The following GPR107 variants were observed in gnomAD, a reference collection of about 807,000 sequenced individuals.
GPR107 encodes the protein protein GPR107.
Under a neutral mutation model 75.5 loss-of-function variants are expected in GPR107, and 31 were observed. That is an observed-to-expected ratio of 0.41 (90% confidence interval 0.31 to 0.55). The LOEUF is 0.55. Among genes scored for constraint, GPR107 ranks in the 20% least tolerant of loss-of-function variants. GPR107 has a pLI of 0.26. For synonymous variants in GPR107, 267 were observed against 251.3 expected, an observed-to-expected ratio of 1.06 and a Z score of -0.59; for missense variants, 572 against 665.7, an observed-to-expected ratio of 0.86 and a Z score of 1.55.
intron 14 of GPR107, among the ~76,000 whole-genome samples, chr9:130,123,079 C>T (rs1367838915): frequency 6.6e-6 from 1 of 152,170 alleles, no homozygotes; most frequent in African/African-American, 2.4e-5. Context: ...TGGGTTCCTT[C>T]TGTCACCCAG....
intron 12 of GPR107, among the ~76,000 whole-genome samples, chr9:130,102,174 G>GA (rs1791745906): frequency 2.6e-4 from 1 of 3,802 alleles, no homozygotes; most frequent in Non-Finnish European, 5.5e-4. Flanking sequence ...GAATGTGACA[G>GA]AGGCAGTAAA....
intron 9 of GPR107, among the ~76,000 whole-genome samples, chr9:130,097,155 C>CTTTTTTTTTTTTTTT (rs71387312): frequency 6.1e-5 from 8 of 130,176 alleles, no homozygotes; most frequent in South Asian, 2.4e-4. Flanking sequence ...TCTTTTTTTT[C>CTTTTTTTTTTTTTTT]TTTTTTTTTT....
At chr9:130,073,586 T>C (rs1376092214) in intron 1 of GPR107, among the ~76,000 whole-genome samples, 1 of 152,148 alleles carries the variant, frequency 6.6e-6, no homozygotes, top group Non-Finnish European at 1.5e-5. Flanking sequence ...GCAAACATGT[T>C]TTCACCACAT....
In GPR107 at chr9:130,103,498, T is replaced by G. The variant is rs1831086583; in HGVS notation, c.1132-922T>G. Among the ~76,000 whole-genome samples, 1 of 152,102 alleles carries G rather than the reference T, an allele frequency of 6.6e-6. No individual in the cohort carries two copies. The highest frequency in any genetic ancestry group is 1.5e-5 in the Non-Finnish European group (1 of 68,030). ...CCCTTATGCTCTGTGGCATCTCAGT[T>G]TAGCCAGTGGAAAGACTTTTTATAA... On this transcript the variant is annotated intron_variant, in intron 12 of 17. Coordinates refer to ENST00000347136, the MANE Select transcript of GPR107 (RefSeq NM_020960.5). This position sits in a 1 kb window ranked among gnomAD's most constrained non-coding sequence, Gnocchi z 4.3.
intron 7 of GPR107, among the ~76,000 whole-genome samples, 162 bp downstream of exon 7, chr9:130,086,638 G>T (rs774772902): frequency 6.6e-6 from 1 of 152,060 alleles, no homozygotes; most frequent in East Asian, 1.9e-4. Flanking sequence ...CCACAAGGTG[G>T]ATATTGTTAC....
chr9:130,117,955 C>T (rs571903948), intron 14 of GPR107, among the ~76,000 whole-genome samples: 2 of 152,306 alleles, frequency 1.3e-5, no homozygotes, highest in South Asian at 2.1e-4. Context: ...ATGATTGCAT[C>T]GTCCTGAACT....
chr9:130,078,195 G>T (rs1386510645), intron 4 of GPR107, among the ~76,000 whole-genome samples: 1 of 151,850 alleles, frequency 6.6e-6, no homozygotes, highest in East Asian at 1.9e-4. Flanking sequence ...GAACTTTGAT[G>T]AATTATCAGA....
At chr9:130,062,420 GATA>G (rs10578697) in intron 1 of GPR107, among the ~76,000 whole-genome samples, 16,156 of 139,744 alleles carry the variant, frequency 0.12, 960 homozygotes, top group Admixed American at 0.17. Context: ...TCTCGAAAAT[GATA>G]ATAATAATAA....
At chr9:130,080,692 G>A (rs1400439852) in intron 5 of GPR107, among the ~76,000 whole-genome samples, 2 of 150,838 alleles carry the variant, frequency 1.3e-5, no homozygotes, top group East Asian at 2.0e-4. Flanking sequence ...AGGGTTTCAC[G>A]GTGTTAGCTA....
chr9:130,131,409 A>T (rs1831824833), intron 17 of GPR107, among the ~76,000 whole-genome samples: 1 of 151,590 alleles, frequency 6.6e-6, no homozygotes, highest in Admixed American at 6.6e-5. Context: ...CCTTGAGTTC[A>T]CTTCTGCCAC....
intron 1 of GPR107, among the ~76,000 whole-genome samples, chr9:130,055,368 C>T (rs1205120375): frequency 2.0e-5 from 3 of 151,776 alleles, no homozygotes; most frequent in African/African-American, 2.4e-5. Flanking sequence ...ACTCGGGAGG[C>T]TAAGGCAGGA....
chr9:130,063,717 T>G (rs1429711752), intron 1 of GPR107, among the ~76,000 whole-genome samples: 1 of 152,034 alleles, frequency 6.6e-6, no homozygotes, highest in African/African-American at 2.4e-5. Context: ...CCCTGGGAAA[T>G]TCCAGTGATT....
At chr9:130,114,348 C>T (rs911579870) in intron 14 of GPR107, among the ~76,000 whole-genome samples, 10 of 151,876 alleles carry the variant, frequency 6.6e-5, no homozygotes, top group East Asian at 1.9e-4. Context: ...CAGCCTGGGC[C>T]GCAGAGTAAG....
Position 130,107,543 on chromosome 9 carries a change from A to T in GPR107, c.1306+4A>T. ...GCATCAGCAACAGATGGAAAAGGCA[A>T]GTTCTCTCGTGCTCATTTTGTGTTG... On this transcript the variant is annotated splice_donor_region_variant and intron_variant, in intron 14 of 17. Transcript: ENST00000347136. The T allele has an allele frequency of 6.3e-7, 1 of 1,578,826 alleles. No individual in the cohort carries two copies. The highest frequency in any genetic ancestry group is 8.7e-7 in the Non-Finnish European group (1 of 1,147,766).
intron 14 of GPR107, among the ~76,000 whole-genome samples, chr9:130,109,407 G>A (rs1461719775): frequency 6.6e-6 from 1 of 152,028 alleles, no homozygotes; most frequent in African/African-American, 2.4e-5. Flanking sequence ...CTGACCTCAA[G>A]TGATCTGCCT....
intron 15 of GPR107, 149 bp from the exon 16 acceptor site, chr9:130,127,334 C>CACAT: frequency 1.6e-6 from 1 of 626,068 alleles, no homozygotes; most frequent in South Asian, 1.9e-5. Context: ...CTCTCCGCTG[C>CACAT]ACGTATTAAT....
chr9:130,120,484 C>A (rs1292078041), intron 14 of GPR107, among the ~76,000 whole-genome samples: 1 of 152,192 alleles, frequency 6.6e-6, no homozygotes, highest in South Asian at 2.1e-4. Flanking sequence ...CCTCCCCATC[C>A]GCATTTCCTT....
chr9:130,063,018 G>T (rs1829969710), intron 1 of GPR107, among the ~76,000 whole-genome samples: 1 of 152,168 alleles, frequency 6.6e-6, no homozygotes, highest in African/African-American at 2.4e-5. Context: ...AGACAGGGAA[G>T]ATTTGGTTAT....
chr9:130,120,569 G>T (rs1008874921), intron 14 of GPR107, among the ~76,000 whole-genome samples: 1 of 152,150 alleles, frequency 6.6e-6, no homozygotes, highest in African/African-American at 2.4e-5. Context: ...TTGCCTTGTT[G>T]CTCTTCCTTC....
Sources: allele counts gnomAD v4.1 joint callset (sites outside exome capture counted in the v4.1 genomes callset), GRCh38; gene constraint gnomAD v4.1.1; non-coding constraint Gnocchi (gnomAD v3.1); transcripts MANE v1.5; gene names NCBI Gene and HGNC (gene_info 2026-07-23, HGNC 2026-07-21).